Variants in ATP8B1 observed in about 807,000 individuals in gnomAD.
ATP8B1 encodes phospholipid-transporting ATPase IC.
A neutral mutation model predicts 149.9 loss-of-function variants in ATP8B1; 80 were observed. The ratio of observed to expected loss-of-function variants is 0.53; its 90% confidence interval spans 0.45 to 0.64. The LOEUF (loss-of-function observed/expected upper bound fraction) is 0.64, where lower values mean the gene tolerates loss of function less well. Ranked by LOEUF, ATP8B1 falls within the 30% of genes least tolerant of loss-of-function variation. The pLI is 0.00. For synonymous variants in ATP8B1, 536 were observed against 562.8 expected (o/e 0.95, Z 0.67); for missense variants, 1,247 against 1,552.6 (o/e 0.80, Z 3.31).
intron 16 of ATP8B1, among the ~76,000 whole-genome samples, chr18:57,672,942 TACAC>T (rs1433120451): frequency 1.1e-5 from 1 of 88,674 alleles, no homozygotes; most frequent in African/African-American, 4.4e-5. Flanking sequence ...AACATGTATA[TACAC>T]ATATATACAT....
chr18:57,685,587 A>C (rs1259446373), intron 13 of ATP8B1, among the ~76,000 whole-genome samples: 1 of 152,136 alleles, frequency 6.6e-6, no homozygotes, highest in Non-Finnish European at 1.5e-5. Flanking sequence ...CTCTAAATTT[A>C]CATAAAATTA....
intron 1 of ATP8B1, among the ~76,000 whole-genome samples, chr18:57,756,291 G>GTATATATATACATATA (rs1250184376): frequency 3.7e-5 from 1 of 27,154 alleles, no homozygotes; most frequent in African/African-American, 2.0e-4. Context: ...ATATATATGT[G>GTATATATATACATATA]TGTGTGTATG....
At chr18:57,711,584 C>T (rs185395320) in intron 2 of ATP8B1, among the ~76,000 whole-genome samples, 1 of 152,150 alleles carries the variant, frequency 6.6e-6, no homozygotes, top group African/African-American at 2.4e-5. Context: ...AACTGGTAAC[C>T]GTAATTTCTT....
chr18:57,712,423 C>T (rs112716382), intron 2 of ATP8B1, among the ~76,000 whole-genome samples: 90 of 152,310 alleles, frequency 5.9e-4, no homozygotes, highest in Non-Finnish European at 9.3e-4. Flanking sequence ...GCAGGCTGAA[C>T]TCAGCTGATG....
At chr18:57,770,091 C>G (rs143005045) in intron 1 of ATP8B1, among the ~76,000 whole-genome samples, 1 of 133,130 alleles carries the variant, frequency 7.5e-6, no homozygotes, top group East Asian at 2.2e-4. Flanking sequence ...TTTTTTGAGA[C>G]AGAGTCTCAC....
rs1235793570 is a variant in ATP8B1 at position 57,711,683 on chromosome 18, T to C, written c.182-5096A>G. Among the ~76,000 whole-genome samples the C allele has an allele frequency of 2.0e-5, 3 of 152,158 alleles. No homozygotes were observed. In the East Asian group the frequency reaches 5.8e-4, roughly 29 times the overall value. ...TCATAGCTCACTGCAGCCTCTGAAC[T>C]CCTGGGCTCAAGTGATCCTCCCACC... On this transcript the variant is annotated intron_variant, in intron 2 of 27. Coordinates refer to ENST00000648908, the MANE Select transcript of ATP8B1 (RefSeq NM_001374385.1).
At chr18:57,770,327 G>T (rs550386911) in intron 1 of ATP8B1, among the ~76,000 whole-genome samples, 2 of 152,158 alleles carry the variant, frequency 1.3e-5, no homozygotes, top group African/African-American at 4.8e-5. Flanking sequence ...AATGGGAACC[G>T]CAGTCCAATA....
intron 1 of ATP8B1, chr18:57,737,812 C>T (rs1337018630): frequency 2.0e-5 from 3 of 152,238 alleles, no homozygotes; most frequent in Non-Finnish European, 4.4e-5. Flanking sequence ...AGAGAGGAAG[C>T]AAGCACGGAG....
intron 16 of ATP8B1, among the ~76,000 whole-genome samples, chr18:57,672,710 T>C (rs9966683): frequency 0.12 from 18,655 of 150,162 alleles, 1,314 homozygotes; most frequent in African/African-American, 0.14. Context: ...CTACTAAAAA[T>C]ACAAAATTAA....
intron 26 of ATP8B1, among the ~76,000 whole-genome samples, chr18:57,650,826 A>C (rs1909564616): frequency 6.6e-6 from 1 of 152,150 alleles, no homozygotes; most frequent in Non-Finnish European, 1.5e-5. Flanking sequence ...GATAAAGCAA[A>C]ACTCTGTCTC....
chr18:57,780,753 AT>A (rs528228497), intron 1 of ATP8B1, among the ~76,000 whole-genome samples: 1 of 152,028 alleles, frequency 6.6e-6, no homozygotes, highest in Admixed American at 6.6e-5. Flanking sequence ...AAAAACTTTT[AT>A]TTTTTTCTGT....
intron 1 of ATP8B1, among the ~76,000 whole-genome samples, chr18:57,768,357 A>G (rs2123361130): frequency 7.3e-6 from 1 of 136,782 alleles, no homozygotes; most frequent in Admixed American, 8.1e-5. Context: ...ACTGTACTCC[A>G]GCCTGGGCAA....
intron 1 of ATP8B1, among the ~76,000 whole-genome samples, chr18:57,733,198 T>A (rs1248366653): frequency 2.0e-5 from 3 of 152,198 alleles, no homozygotes; most frequent in Non-Finnish European, 4.4e-5. Flanking sequence ...TACATAAGCA[T>A]CACAGTGCCG....
At chr18:57,656,941 T>C (rs951141428) in intron 22 of ATP8B1, among the ~76,000 whole-genome samples, 11 of 152,024 alleles carry the variant, frequency 7.2e-5, no homozygotes, top group Non-Finnish European at 7.4e-5. Flanking sequence ...TCCTGAGGCC[T>C]GGCTTCTTCT....
chr18:57,672,964 T>TAA, intron 16 of ATP8B1, among the ~76,000 whole-genome samples: 1 of 120,764 alleles, frequency 8.3e-6, no homozygotes, highest in Non-Finnish European at 1.7e-5. Context: ...CATACATATA[T>TAA]CTACATATAT....
chr18:57,782,303 C>T (rs1213005176), intron 1 of ATP8B1, among the ~76,000 whole-genome samples: 2 of 152,264 alleles, frequency 1.3e-5, no homozygotes, highest in Non-Finnish European at 2.9e-5. Flanking sequence ...AGGCCACCCA[C>T]AGCTGCTGCG....
chr18:57,663,377 A>G (rs1215965927), intron 20 of ATP8B1, among the ~76,000 whole-genome samples: 2 of 152,188 alleles, frequency 1.3e-5, no homozygotes, highest in African/African-American at 4.8e-5. Context: ...TGCTGTGAAC[A>G]GTGTTGCTGT....
Position 57,655,323 on chromosome 18 carries a change from C to T in ATP8B1, c.2802G>A (p.Arg934=), listed in dbSNP as rs1909922775. Reference sequence around the variant, plus strand: ...ACCATCGGCCATGCACCAGCAGTAGCCTCTGCAGATATCGGAACTGAGCAA... The same window carrying T: ...ACCATCGGCCATGCACCAGCAGTAGTCTCTGCAGATATCGGAACTGAGCAA... ...YSFAQFRYLQ[R]LLLVHGRWSY... The change falls in exon 23 of 28, where the codon AGG becomes AGA. Residue 934 remains arginine, a synonymous_variant. Coordinates refer to ENST00000648908, the MANE Select transcript of ATP8B1 (RefSeq NM_001374385.1). The T allele has an allele frequency of 3.1e-6, 5 of 1,614,036 alleles. No individual in the cohort carries two copies. Among genetic ancestry groups the T allele is most frequent in the South Asian group, 2.2e-5 (2 of 91,084 alleles).
intron 12 of ATP8B1, 82 bp from the exon 13 acceptor site, chr18:57,688,589 C>T (rs947800801): frequency 2.0e-5 from 28 of 1,366,674 alleles, no homozygotes; most frequent in South Asian, 3.6e-5. Flanking sequence ...ATTGTACAGA[C>T]GAGAGCAAGC....
Sources: allele counts gnomAD v4.1 joint callset (sites outside exome capture counted in the v4.1 genomes callset), GRCh38; gene constraint gnomAD v4.1.1; transcripts MANE v1.5; gene names NCBI Gene and HGNC (gene_info 2026-07-23, HGNC 2026-07-21).